Variants in MCC observed in about 807,000 individuals in gnomAD.
The protein encoded by MCC is MCC regulator of Wnt signaling pathway.
A neutral mutation model predicts 116.2 loss-of-function variants in MCC; 90 were observed. The observed-to-expected ratio is 0.77, with a 90% confidence interval of 0.65 to 0.92. The LOEUF (loss-of-function observed/expected upper bound fraction) is 0.92. Among genes scored for constraint, MCC ranks in the 40% least tolerant of loss-of-function variants. The pLI is 0.00. For synonymous variants in MCC, 578 were observed against 510.5 expected (o/e 1.13, Z -1.78); for missense variants, 1,516 against 1,312.2 (o/e 1.16, Z -2.40).
chr5:113,175,794 C>A (rs1761302773), intron 3 of MCC, among the ~76,000 whole-genome samples: 1 of 151,954 alleles, frequency 6.6e-6, no homozygotes. Context: ...CCAATCATCC[C>A]TAGAGTACTT....
chr5:113,488,341 C>A lies in MCC; in HGVS notation c.74G>T (p.Ser25Ile). Residue 25 changes from serine to isoleucine, a missense_variant, in exon 1 of 19, where the codon AGC (serine) becomes ATC (isoleucine). Transcript: ENST00000408903. ...GCTGGACGTGTCGCTGCTGCTGCTG[C>A]TGCTGCCGCTGCCGCCGCCGCCGCC... is the stretch of plus-strand genomic sequence containing the variant. ...SGGGGGGSGS[S>I]SSSSDTSSTG... 6.7e-7 allele frequency: 1 copy of A among 1,485,632 alleles called. No individual in the cohort carries two copies. The allele number at this position is 1,485,632 out of a possible 1,614,324, so 92.0% of individuals were successfully genotyped here.
chr5:113,432,546 T>A (rs182239809), intron 1 of MCC: 2 of 152,264 alleles, frequency 1.3e-5, no homozygotes, highest in East Asian at 3.9e-4. Context: ...ATGAATAGCA[T>A]GCCTAATGAA....
chr5:113,164,101 G>A (rs1760644992), intron 3 of MCC, among the ~76,000 whole-genome samples: 1 of 152,138 alleles, frequency 6.6e-6, no homozygotes, highest in African/African-American at 2.4e-5. Context: ...AGTGTATTCA[G>A]AGAGATAAAC....
intron 11 of MCC, among the ~76,000 whole-genome samples, chr5:113,071,774 G>T (rs1166655610): frequency 6.6e-6 from 1 of 152,244 alleles, no homozygotes; most frequent in Non-Finnish European, 1.5e-5. Flanking sequence ...GAACCGGGAA[G>T]TGTGACCCCA....
At chr5:113,365,194 C>T (rs992451382) in intron 2 of MCC, among the ~76,000 whole-genome samples, 1 of 152,170 alleles carries the variant, frequency 6.6e-6, no homozygotes, top group Non-Finnish European at 1.5e-5. Context: ...TTTCTGCTCA[C>T]ACATATGAGC....
At chr5:113,089,463 T>C (rs1325842428) in intron 8 of MCC, among the ~76,000 whole-genome samples, 1 of 152,252 alleles carries the variant, frequency 6.6e-6, no homozygotes, top group Non-Finnish European at 1.5e-5. Context: ...AAGAAAAAGT[T>C]GGTGAGCCAA....
intron 1 of MCC, among the ~76,000 whole-genome samples, chr5:113,393,959 A>T (rs1769463273): frequency 6.6e-6 from 1 of 152,160 alleles, no homozygotes; most frequent in Admixed American, 6.6e-5. Context: ...AGATAATCTA[A>T]TCTAAATCTG....
intron 3 of MCC, among the ~76,000 whole-genome samples, chr5:113,155,416 A>G (rs1760119289): frequency 6.6e-6 from 1 of 152,166 alleles, no homozygotes; most frequent in South Asian, 2.1e-4. Flanking sequence ...GTGGGATTGG[A>G]TCATATGGTA....
intron 3 of MCC, among the ~76,000 whole-genome samples, chr5:113,257,902 G>C (rs554104494): frequency 6.6e-6 from 1 of 152,246 alleles, no homozygotes; most frequent in East Asian, 1.9e-4. Context: ...CTTCCATTAC[G>C]GGAGGGAGGA....
chr5:113,440,396 C>G (rs953436736), intron 1 of MCC, among the ~76,000 whole-genome samples: 1 of 152,118 alleles, frequency 6.6e-6, no homozygotes, highest in African/African-American at 2.4e-5. Flanking sequence ...CCCAGGCAGA[C>G]CCACAACACC....
At chr5:113,365,136 CAA>C (rs1768655298) in intron 2 of MCC, among the ~76,000 whole-genome samples, 1 of 152,188 alleles carries the variant, frequency 6.6e-6, no homozygotes, top group African/African-American at 2.4e-5. Context: ...GCAAATTTTC[CAA>C]ACTTTTACAC....
chr5:113,425,764 C>A (rs1290412099), intron 1 of MCC, among the ~76,000 whole-genome samples: 2 of 151,912 alleles, frequency 1.3e-5, no homozygotes, highest in African/African-American at 2.4e-5. Flanking sequence ...GGTAGGTGGA[C>A]AGACGAGTGT....
chr5:113,110,967 C>G (rs1392754635), intron 6 of MCC, among the ~76,000 whole-genome samples: 1 of 152,212 alleles, frequency 6.6e-6, no homozygotes, highest in Admixed American at 6.5e-5. Flanking sequence ...TCAGCACGCC[C>G]AACCCACAGT....
chr5:113,239,558 G>C (rs73244768), intron 3 of MCC, among the ~76,000 whole-genome samples: 14,661 of 152,100 alleles, frequency 0.096, 1,315 homozygotes, highest in Admixed American at 0.25. Flanking sequence ...GGACCATGAT[G>C]CCAGAGAAGA....
rs1221787915 is a variant in MCC at position 113,101,796 on chromosome 5, G to T, written c.1341C>A (p.Asn447Lys). 2 of 1,613,422 alleles carry T rather than the reference G, an allele frequency of 1.2e-6. No homozygotes were observed. The highest frequency in any genetic ancestry group is 1.7e-5 in the Admixed American group (1 of 60,022). Residue 447 changes from asparagine to lysine, a missense_variant, in exon 8 of 19, where the codon AAC (asparagine) becomes AAA (lysine). Transcript: ENST00000408903. Reference protein sequence around the residue: ...AMLCSKEEELNRTKATMNAIR... With the variant: ...AMLCSKEEELKRTKATMNAIR... ...TGGCATTCATGGTGGCCTTAGTCCG[G>T]TTCAGTTCTTCCTCTTTGCTGCACA... is the stretch of plus-strand genomic sequence containing the variant.
intron 3 of MCC, among the ~76,000 whole-genome samples, chr5:113,301,339 C>T (rs2150364822): frequency 6.6e-6 from 1 of 152,154 alleles, no homozygotes; most frequent in East Asian, 1.9e-4. Context: ...GTGGTGCATG[C>T]CTGTAATCCC....
rs139368259 is a variant in MCC at position 113,080,758 on chromosome 5, A to C, written c.1784+2102T>G. On this transcript the variant is annotated intron_variant, in intron 11 of 18. Transcript: ENST00000408903. ...CATGGCACATGTATACCTATGTAAAAAACCTGCACGTTGTGCACATATACC... is the reference window on the plus strand; with the variant it reads ...CATGGCACATGTATACCTATGTAAACAACCTGCACGTTGTGCACATATACC... Among the ~76,000 whole-genome samples, 182 of 152,032 alleles carry C rather than the reference A, an allele frequency of 1.2e-3. 3 individuals carry two copies. In the East Asian group the frequency reaches 0.029, roughly 24 times the overall value.
intron 6 of MCC, among the ~76,000 whole-genome samples, chr5:113,119,753 C>A (rs1468556326): frequency 2.6e-5 from 4 of 151,992 alleles, no homozygotes; most frequent in African/African-American, 9.7e-5. Context: ...CAACACTGGG[C>A]AGGGAAGGTC....
intron 9 of MCC, 42 bp from the exon 10 acceptor site, chr5:113,084,232 C>T (rs184397494): frequency 1.4e-6 from 2 of 1,460,032 alleles, no homozygotes; most frequent in Non-Finnish European, 1.9e-6. Flanking sequence ...CTACACACCA[C>T]TCCTCAGATA....
Sources: gnomAD v4.1 joint callset for allele counts (sites outside exome capture counted in the v4.1 genomes callset) on GRCh38, gnomAD v4.1.1 for gene constraint, MANE v1.5 for transcripts, NCBI Gene and HGNC (gene_info 2026-07-23, HGNC 2026-07-21) for gene names.